Variants in HNRNPUL1 observed in about 807,000 individuals in gnomAD.
HNRNPUL1 encodes the protein heterogeneous nuclear ribonucleoprotein U like 1, also known as heterogeneous nuclear ribonucleoprotein U-like protein 1.
HNRNPUL1 carries 14 observed loss-of-function variants against 108.5 expected under a neutral mutation model. The ratio of observed to expected loss-of-function variants is 0.13; its 90% CI spans 0.09 to 0.20. The LOEUF is 0.20. HNRNPUL1 is among the 10% of genes least tolerant of loss of function. HNRNPUL1 has a pLI of 1.00. For missense variants in HNRNPUL1, 804 were observed against 1,168.3 expected (o/e 0.69, Z 4.55); for synonymous variants, 422 against 445.2 (o/e 0.95, Z 0.66).
At chr19:41,298,155 A>C (rs1386425782) in intron 10 of HNRNPUL1, among the ~76,000 whole-genome samples, 1 of 152,136 alleles carries the variant, frequency 6.6e-6, no homozygotes, top group Non-Finnish European at 1.5e-5. Flanking sequence ...GGGGCTTGAG[A>C]GATCCTGGGC....
rs1381499825 is a variant in HNRNPUL1 at position 41,294,897 on chromosome 19, C to T, written c.1518+211C>T. Among the ~76,000 whole-genome samples the T allele has an allele frequency of 1.3e-5, 2 of 152,158 alleles. No individual in the cohort carries two copies. The highest frequency in any genetic ancestry group is 4.8e-5 in the African/African-American group (2 of 41,440). ...CATGATCTAGGCCTACTTACTCAGACTCATCAGCAGCCCCAAAGAACATCA... is the reference window on the plus strand; with the variant it reads ...CATGATCTAGGCCTACTTACTCAGATTCATCAGCAGCCCCAAAGAACATCA... On this transcript the variant is annotated intron_variant, in intron 10 of 14. Transcript: ENST00000392006. The surrounding 1 kb of genome is among the most constrained non-coding windows in gnomAD (Gnocchi z 4.3).
At chr19:41,297,926 G>A (rs1372503828) in intron 10 of HNRNPUL1, among the ~76,000 whole-genome samples, 6 of 152,074 alleles carry the variant, frequency 3.9e-5, no homozygotes, top group Admixed American at 3.9e-4. Context: ...TTCATCCCCA[G>A]CCAGCCATCC....
chr19:41,280,527 G>A (rs1463534323), intron 6 of HNRNPUL1, among the ~76,000 whole-genome samples: 39 of 152,208 alleles, frequency 2.6e-4, no homozygotes, highest in Admixed American at 2.6e-3. Flanking sequence ...AAACAGCCCA[G>A]GAGGTCAAGC....
intron 1 of HNRNPUL1, chr19:41,265,021 T>G: frequency 1.4e-6 from 2 of 1,389,524 alleles, no homozygotes; most frequent in Non-Finnish European, 1.9e-6. Flanking sequence ...GCCTCTGGGT[T>G]TCGGAGGTGA....
intron 10 of HNRNPUL1, among the ~76,000 whole-genome samples, chr19:41,297,167 A>T (rs1045212561): frequency 1.3e-5 from 2 of 152,228 alleles, no homozygotes; most frequent in Non-Finnish European, 2.9e-5. Context: ...CCAGAGAGGA[A>T]GCTGAAGCCT....
At chr19:41,265,001 T>TG in intron 1 of HNRNPUL1, 1 of 1,137,096 alleles carries the variant, frequency 8.8e-7, no homozygotes, top group Non-Finnish European at 1.1e-6. Context: ...GGGGGGACAC[T>TG]GGGGGAGGGG....
intron 7 of HNRNPUL1, among the ~76,000 whole-genome samples, chr19:41,285,019 T>C (rs1365855304): frequency 6.9e-6 from 1 of 144,250 alleles, no homozygotes; most frequent in Non-Finnish European, 1.5e-5. Flanking sequence ...AAAAAGGGCA[T>C]ACCTATAGGC....
In HNRNPUL1 at chr19:41,272,090, A is replaced by G; in HGVS notation, c.427A>G (p.Thr143Ala). 1 of 1,613,894 alleles carries G rather than the reference A, an allele frequency of 6.2e-7. No homozygotes were observed. Among genetic ancestry groups the G allele is most frequent in the Non-Finnish European group, 8.5e-7 (1 of 1,179,934 alleles). ...QQQAYRPEMK[T>A]EMKQGAPTSF... ...ATTTGTCTTGACAATAGAAATGAAG[A>G]CAGAGATGAAGCAAGGAGCACCCAC... is the stretch of plus-strand genomic sequence containing the variant. The change falls in exon 3 of 15, where the codon ACA (threonine) becomes GCA (alanine). Residue 143 changes from threonine (T) to alanine (A), a missense_variant. Physicochemically the swap from Thr to Ala is moderately conservative, Grantham distance 58 (BLOSUM62 0). This residue lies in a region of HNRNPUL1 where 256 missense variants were observed against 261.6 expected (regional missense o/e 0.98). Coordinates refer to ENST00000392006, the MANE Select transcript of HNRNPUL1 (RefSeq NM_007040.6).
chr19:41,304,374 T>G (rs2037423174), intron 13 of HNRNPUL1, 113 bp downstream of exon 13: 2 of 1,495,728 alleles, frequency 1.3e-6, no homozygotes, highest in Non-Finnish European at 1.8e-6. Flanking sequence ...GCTACTGGTC[T>G]TCACTCTAAC....
chr19:41,302,891 C>T lies in HNRNPUL1; in HGVS notation c.1914C>T (p.Asn638=). The part of the protein sequence containing the change: ...RYENRGPPGG[N]RGGFQNRGGG... ...AAAACCGAGGACCCCCTGGAGGCAA[C>T]CGTGGCGGCTTCCAGAACCGAGGGG... The change falls in exon 12 of 15, where the codon AAC becomes AAT. Residue 638 remains asparagine, a synonymous_variant. Transcript: ENST00000392006. 6.5e-7 allele frequency: 1 copy of T among 1,542,434 alleles called. No individual in the cohort carries two copies. Among genetic ancestry groups the T allele is most frequent in the Non-Finnish European group, 8.7e-7 (1 of 1,145,150 alleles).
rs777003728 is a variant in HNRNPUL1 at position 41,292,532 on chromosome 19, T to C, written c.1266+21T>C. On this transcript the variant is annotated intron_variant, in intron 8 of 14. Transcript: ENST00000392006. This position sits in a 1 kb window ranked among gnomAD's most constrained non-coding sequence, Gnocchi z 4.1. ...GTGAGGTGAGTGGGGCCAGAATGTA[T>C]TGGTGGCCACCTTGCTGCCAAGACA... The C allele has an allele frequency of 2.5e-6, 4 of 1,598,664 alleles. No homozygotes were observed. The Admixed American group carries it at 6.7e-5, about 27-fold the overall frequency.
chr19:41,303,622 A>T (rs1044133425), intron 12 of HNRNPUL1, among the ~76,000 whole-genome samples: 67 of 152,184 alleles, frequency 4.4e-4, no homozygotes, highest in Middle Eastern at 3.4e-3. Flanking sequence ...CCAGAGTGCT[A>T]GGATTACAGA....
rs2037577950 is a variant in HNRNPUL1, at chr19:41,306,875, CATA to C, written c.*311_*313del. 4.5e-6 allele frequency: 1 copy of C among 222,098 alleles called. No individual in the cohort carries two copies. Among genetic ancestry groups the C allele is most frequent in the African/African-American group, 2.3e-5 (1 of 43,896 alleles). The allele number at this position is 222,098 out of a possible 1,614,324, so 13.8% of individuals were successfully genotyped here. ...CTAAATAATCCCCACCTCCCTTGAT[CATA>C]CAGTGAGGCTACAGTGACTGAGGGG... On this transcript the variant is annotated 3_prime_UTR_variant, in exon 15 of 15. Transcript: ENST00000392006.
Position 41,268,204 on chromosome 19 carries a change from T to G in HNRNPUL1, c.296-19T>G. ...CATGAACCGCCCCTCTAATTGGCCA[T>G]TTTTAATTTTGTTTTAAGATGCCAT... On this transcript the variant is annotated intron_variant, in intron 1 of 14. Coordinates refer to ENST00000392006, the MANE Select transcript of HNRNPUL1 (RefSeq NM_007040.6). The G allele has an allele frequency of 1.9e-6, 3 of 1,611,584 alleles. No individual in the cohort carries two copies. The highest frequency in any genetic ancestry group is 2.5e-6 in the Non-Finnish European group (3 of 1,178,886).
intron 12 of HNRNPUL1, among the ~76,000 whole-genome samples, chr19:41,303,540 G>C (rs1030218697): frequency 3.3e-5 from 5 of 152,188 alleles, no homozygotes; most frequent in African/African-American, 1.2e-4. Flanking sequence ...TTTTAGTAGA[G>C]ATGGGGTTTC....
chr19:41,263,110 T>C (rs1192643155), upstream of HNRNPUL1: 1 of 150,672 alleles, frequency 6.6e-6, no homozygotes, highest in Non-Finnish European at 1.5e-5. Flanking sequence ...CGCACGCCTG[T>C]TTGTTTACGA....
chr19:41,303,623 G>A (rs1342630424), intron 12 of HNRNPUL1, among the ~76,000 whole-genome samples: 1 of 152,088 alleles, frequency 6.6e-6, no homozygotes, highest in African/African-American at 2.4e-5. Flanking sequence ...CAGAGTGCTA[G>A]GATTACAGAT....
rs190159888 is a variant in HNRNPUL1 at position 41,302,177 on chromosome 19, G to A, written c.1687+473G>A. 2.5e-4 allele frequency among the ~76,000 whole-genome samples: 38 copies of A among 151,538 alleles called. No individual in the cohort carries two copies. In the East Asian group the frequency reaches 7.4e-3, roughly 29 times the overall value. On this transcript the variant is annotated intron_variant, in intron 11 of 14. Transcript: ENST00000392006. ...AGCCCCTGACACTTAGCAGGCTGAG[G>A]GGTTGGGGCTTTGTCTACCTCTTTC...
At chr19:41,288,682 T>C (rs1360063631) in intron 7 of HNRNPUL1, among the ~76,000 whole-genome samples, 1 of 152,204 alleles carries the variant, frequency 6.6e-6, no homozygotes, top group African/African-American at 2.4e-5. Flanking sequence ...TTTGCAGCTT[T>C]GTATTTAGTG....
Sources: gnomAD v4.1 joint callset for allele counts (sites outside exome capture counted in the v4.1 genomes callset) on GRCh38, gnomAD v4.1.1 for gene constraint, gnomAD v4.1.1 regional missense constraint, Gnocchi (gnomAD v3.1) non-coding constraint, MANE v1.5 for transcripts, NCBI Gene and HGNC (gene_info 2026-07-23, HGNC 2026-07-21) for gene names.